POLR3B: variants seen among roughly 807,000 people sequenced by gnomAD.
POLR3B encodes the protein RNA polymerase III subunit B, also known as DNA-directed RNA polymerase III subunit RPC2.
In POLR3B, 96 loss-of-function variants were observed where a neutral mutation model predicts 147.4. That is an observed-to-expected ratio of 0.65 (90% confidence interval 0.55 to 0.77). The LOEUF is 0.77. Among genes scored for constraint, POLR3B ranks in the 30% least tolerant of loss-of-function variants. The probability of loss-of-function intolerance (pLI) is 0.00; values close to 1 mark genes in which losing one functional copy is unlikely to be tolerated. For synonymous variants in POLR3B, 461 were observed against 485.9 expected (o/e 0.95, Z 0.67); for missense variants, 1,036 against 1,413.5 (o/e 0.73, Z 4.28).
At chr12:106,371,644 A>G (rs2036608593) in intron 6 of POLR3B, among the ~76,000 whole-genome samples, 2 of 139,814 alleles carry the variant, frequency 1.4e-5, no homozygotes, top group South Asian at 5.1e-4. Context: ...TTGTAGGGAC[A>G]TGGATGAAAA....
chr12:106,373,990 AT>A lies in POLR3B; in HGVS notation c.405-2359del, dbSNP rs201365204. Among the ~76,000 whole-genome samples the A allele has an allele frequency of 1.2e-3, 173 of 149,976 alleles. 2 individuals are homozygous for A. The highest frequency in any genetic ancestry group is 4.0e-3 in the African/African-American group (165 of 40,920). On this transcript the variant is annotated intron_variant, in intron 6 of 27. Transcript: ENST00000228347. Reference sequence around the variant, plus strand: ...CATTTTTCTTTTTGGATAATGGAAGATTTTTTTTTTCTCACCCTTCCCCAAC... The same window carrying A: ...CATTTTTCTTTTTGGATAATGGAAGATTTTTTTTTCTCACCCTTCCCCAAC...
intron 23 of POLR3B, among the ~76,000 whole-genome samples, chr12:106,465,706 T>C (rs982519221): frequency 6.6e-6 from 1 of 152,184 alleles, no homozygotes; most frequent in Non-Finnish European, 1.5e-5. Context: ...AGTGAGAACA[T>C]GCAGTGTTTG....
At chr12:106,414,639 A>G (rs1402720542) in intron 12 of POLR3B, among the ~76,000 whole-genome samples, 1 of 152,008 alleles carries the variant, frequency 6.6e-6, no homozygotes, top group African/African-American at 2.4e-5. Context: ...CCATGGCTTC[A>G]CCTCATTTTT....
At chr12:106,414,542 T>A (rs11609315) in intron 12 of POLR3B, among the ~76,000 whole-genome samples, 38,486 of 152,044 alleles carry the variant, frequency 0.25, 5,565 homozygotes, top group African/African-American at 0.39. Context: ...GAACTCTGAT[T>A]TAGTCTCCAG....
At chr12:106,476,749 A>G (rs1235231769) in intron 23 of POLR3B, among the ~76,000 whole-genome samples, 1 of 151,544 alleles carries the variant, frequency 6.6e-6, no homozygotes, top group African/African-American at 2.4e-5. Context: ...TGTATTGGTT[A>G]TTGTAGTTAT....
At chr12:106,480,835 TAGTA>T (rs2038256606) in intron 23 of POLR3B, among the ~76,000 whole-genome samples, 2 of 149,200 alleles carry the variant, frequency 1.3e-5, no homozygotes, top group African/African-American at 5.0e-5. Context: ...AGAAGGAAAA[TAGTA>T]AGTGCTGAGG....
chr12:106,361,663 T>TG (rs1334817755), intron 1 of POLR3B, among the ~76,000 whole-genome samples: 1 of 152,064 alleles, frequency 6.6e-6, no homozygotes, highest in Admixed American at 6.6e-5. Context: ...TGGGATGAGA[T>TG]GGGGGAAGCT....
intron 23 of POLR3B, among the ~76,000 whole-genome samples, chr12:106,489,246 C>G (rs554029003): frequency 1.3e-5 from 2 of 152,274 alleles, no homozygotes; most frequent in African/African-American, 4.8e-5. Flanking sequence ...TCCTTAAGGA[C>G]CAGACAGCTA....
intron 23 of POLR3B, among the ~76,000 whole-genome samples, chr12:106,489,055 C>A (rs2038377382): frequency 1.3e-5 from 2 of 152,112 alleles, no homozygotes; most frequent in South Asian, 4.1e-4. Flanking sequence ...ATTTCTCAGT[C>A]TCTCATGTGA....
intron 11 of POLR3B, 29 bp downstream of exon 11, chr12:106,406,005 G>T (rs769695890): frequency 6.2e-6 from 10 of 1,610,512 alleles, no homozygotes; most frequent in Non-Finnish European, 7.6e-6. Flanking sequence ...TTGTGAATAA[G>T]GACTGTGGGG....
At chr12:106,414,138 T>C (rs1397889640) in intron 12 of POLR3B, among the ~76,000 whole-genome samples, 1 of 150,262 alleles carries the variant, frequency 6.7e-6, no homozygotes, top group Non-Finnish European at 1.5e-5. Flanking sequence ...TATTTTTATT[T>C]CCACTAAGAA....
chr12:106,360,701 G>A (rs1028799769), intron 1 of POLR3B, among the ~76,000 whole-genome samples: 7 of 152,180 alleles, frequency 4.6e-5, no homozygotes, highest in African/African-American at 1.7e-4. Flanking sequence ...AACAACACAA[G>A]CTTTGGAGCC....
chr12:106,457,078 A>C, intron 20 of POLR3B, 60 bp from the exon 21 acceptor site: 1 of 1,440,368 alleles, frequency 6.9e-7, no homozygotes, highest in East Asian at 2.3e-5. Flanking sequence ...GCACAAATCC[A>C]TATTTCCTTA....
chr12:106,496,787 CG>C lies in POLR3B; in HGVS notation c.2855del (p.Gly952ValfsTer18). ...KLIELLAGKA[G>X]VLDGRFHYGT... Reference sequence around the variant, plus strand: ...TCATTGAGCTGCTGGCTGGCAAGGCCGGTGTGCTGGACGGCAGATTCCACTA... The same window carrying C: ...TCATTGAGCTGCTGGCTGGCAAGGCCGTGTGCTGGACGGCAGATTCCACTA... On this transcript the variant is annotated frameshift_variant, in exon 25 of 28. Coordinates refer to ENST00000228347, the MANE Select transcript of POLR3B (RefSeq NM_018082.6). LOFTEE classifies it high-confidence loss of function. 6.2e-7 allele frequency: 1 copy of C among 1,614,082 alleles called. No individual in the cohort carries two copies. Among genetic ancestry groups the C allele is most frequent in the South Asian group, 1.1e-5 (1 of 91,070 alleles).
rs200331241 is a variant in POLR3B, at chr12:106,509,674, CA to C, written c.*134del. 1.6e-3 allele frequency: 1,375 copies of C among 846,368 alleles called. No individual in the cohort carries two copies. The highest frequency in any genetic ancestry group is 1.8e-3 in the Non-Finnish European group (962 of 546,892). 52.4% of individuals were successfully genotyped at this position (846,368 alleles called of 1,614,324 possible). A position where few individuals can be genotyped will look rare whatever the true frequency, so the allele number is the denominator to read the frequency against. On this transcript the variant is annotated 3_prime_UTR_variant, in exon 28 of 28. Transcript: ENST00000228347. ...TTGCGTATTCTCTCTCTAAAACAAC[CA>C]AAAAAAAATGGAGAGGCTTTTTATA...
At chr12:106,402,524 CAAAGCTG>C (rs2037083040) in intron 10 of POLR3B, among the ~76,000 whole-genome samples, 1 of 152,160 alleles carries the variant, frequency 6.6e-6, no homozygotes, top group Non-Finnish European at 1.5e-5. Context: ...GCCCAAAGAA[CAAAGCTG>C]GAGGCATCAC....
intron 10 of POLR3B, among the ~76,000 whole-genome samples, chr12:106,396,551 TAG>T (rs1467010652): frequency 6.6e-6 from 1 of 152,098 alleles, no homozygotes; most frequent in Non-Finnish European, 1.5e-5. Flanking sequence ...TACATGTAAA[TAG>T]ATCATTAAAA....
At chr12:106,402,954 C>T (rs2037091266) in intron 10 of POLR3B, among the ~76,000 whole-genome samples, 1 of 152,146 alleles carries the variant, frequency 6.6e-6, no homozygotes, top group Non-Finnish European at 1.5e-5. Context: ...CCAAAATTGA[C>T]AAATGGGATC....
chr12:106,376,494 T>A (rs766332533), intron 7 of POLR3B, 44 bp downstream of exon 7: 1 of 1,281,860 alleles, frequency 7.8e-7, no homozygotes, highest in South Asian at 1.2e-5. Flanking sequence ...CTTATTCTTT[T>A]ATTCTGCTGC....
Sources: allele counts gnomAD v4.1 joint callset (sites outside exome capture counted in the v4.1 genomes callset), GRCh38; gene constraint gnomAD v4.1.1; transcripts MANE v1.5; gene names NCBI Gene and HGNC (gene_info 2026-07-23, HGNC 2026-07-21).